GNG12: variants seen among roughly 807,000 people sequenced by gnomAD.
The protein encoded by GNG12 is G protein subunit gamma 12.
For missense variants in GNG12, 69 were observed against 83.8 expected, an observed-to-expected ratio of 0.82 and a Z score of 0.69; for synonymous variants, 28 against 29.7, an observed-to-expected ratio of 0.94 and a Z score of 0.19.
chr1:67,829,152 G>A (rs1225832099), intron 1 of GNG12, among the ~76,000 whole-genome samples: 2 of 152,120 alleles, frequency 1.3e-5, no homozygotes, highest in African/African-American at 2.4e-5. Context: ...TCACCAATTT[G>A]TCTGTATTTT....
At chr1:67,829,738 C>T (rs919368424) in intron 1 of GNG12, among the ~76,000 whole-genome samples, 6 of 152,220 alleles carry the variant, frequency 3.9e-5, no homozygotes, top group South Asian at 2.1e-4. Context: ...AGGAGTGAAA[C>T]GAATCAATAA....
intron 2 of GNG12, among the ~76,000 whole-genome samples, chr1:67,735,145 C>T (rs542325195): frequency 2.5e-4 from 38 of 152,230 alleles, no homozygotes; most frequent in Non-Finnish European, 4.3e-4. Context: ...CATGAGCCAC[C>T]GCGCCTGGCC....
intron 1 of GNG12, among the ~76,000 whole-genome samples, chr1:67,788,039 A>T (rs149171074): frequency 6.6e-6 from 1 of 152,216 alleles, no homozygotes; most frequent in Non-Finnish European, 1.5e-5. Context: ...GAACTGGTGC[A>T]AAGTTACATG....
chr1:67,827,996 A>G (rs941147308), intron 1 of GNG12, among the ~76,000 whole-genome samples: 3 of 152,190 alleles, frequency 2.0e-5, no homozygotes, highest in African/African-American at 7.2e-5. Context: ...CTACCTGTTA[A>G]CTACTCTCCT....
intron 2 of GNG12, among the ~76,000 whole-genome samples, chr1:67,765,586 T>C (rs555828002): frequency 2.2e-4 from 33 of 152,216 alleles, no homozygotes; most frequent in African/African-American, 7.5e-4. Flanking sequence ...ATGAAATACA[T>C]AGAAAGGTTT....
intron 1 of GNG12, among the ~76,000 whole-genome samples, chr1:67,786,642 G>A (rs1012610164): frequency 1.3e-5 from 2 of 152,074 alleles, no homozygotes; most frequent in Non-Finnish European, 2.9e-5. Flanking sequence ...CCCTCTCTGG[G>A]CCAGATGCAG....
At chr1:67,812,134 T>C (rs374051528) in intron 1 of GNG12, among the ~76,000 whole-genome samples, 1 of 152,168 alleles carries the variant, frequency 6.6e-6, no homozygotes, top group Non-Finnish European at 1.5e-5. Flanking sequence ...AAATCAGTCA[T>C]CTTTCATTAG....
intron 1 of GNG12, among the ~76,000 whole-genome samples, chr1:67,831,463 T>C (rs1647044315): frequency 6.6e-6 from 1 of 152,218 alleles, no homozygotes; most frequent in Non-Finnish European, 1.5e-5. Context: ...CACATTTTCA[T>C]ATATTTCTAC....
intron 2 of GNG12, among the ~76,000 whole-genome samples, chr1:67,741,281 T>G (rs1355879640): frequency 1.3e-5 from 2 of 152,262 alleles, no homozygotes; most frequent in African/African-American, 4.8e-5. Flanking sequence ...TCAGAGTTCC[T>G]GGCCATTCTG....
At chr1:67,774,106 G>A (rs1646690781) in intron 2 of GNG12, among the ~76,000 whole-genome samples, 1 of 152,140 alleles carries the variant, frequency 6.6e-6, no homozygotes, top group Non-Finnish European at 1.5e-5. Context: ...ACATTTCTCT[G>A]AGTCTTGAAT....
intron 1 of GNG12, among the ~76,000 whole-genome samples, chr1:67,809,296 A>G (rs1164172087): frequency 6.6e-6 from 1 of 152,222 alleles, no homozygotes; most frequent in Non-Finnish European, 1.5e-5. Context: ...GTCAAAATTG[A>G]TCACAGAACT....
In GNG12 at chr1:67,776,656, C is replaced by T. The variant is rs1646707098; in HGVS notation, c.-27+802G>A. ...ACCCCCAGAAACAAAGCCTAGCTGA[C>T]ATGGAACTGCAGCTACCTGTAGATA... is the stretch of plus-strand genomic sequence containing the variant. On this transcript the variant is annotated intron_variant, in intron 2 of 3. Transcript: ENST00000370982. Among the ~76,000 whole-genome samples, 4 of 152,130 alleles carry T rather than the reference C, an allele frequency of 2.6e-5. 1 individual carries two copies. The highest frequency in any genetic ancestry group is 2.6e-4 in the Admixed American group (4 of 15,258).
In GNG12 at chr1:67,809,238, A is replaced by C. The variant is rs571757146; in HGVS notation, c.-77+24106T>G. Reference sequence around the variant, plus strand: ...GACATCCACATTCCCTGCCCCCACCAAAAAAGAAAGAATCTAGACACAGAC... The same window carrying C: ...GACATCCACATTCCCTGCCCCCACCCAAAAAGAAAGAATCTAGACACAGAC... On this transcript the variant is annotated intron_variant, in intron 1 of 3. Coordinates refer to ENST00000370982, the MANE Select transcript of GNG12 (RefSeq NM_018841.6). Among the ~76,000 whole-genome samples the C allele has an allele frequency of 2.6e-3, 402 of 152,088 alleles. 3 individuals are homozygous for C. The highest frequency in any genetic ancestry group is 9.0e-3 in the African/African-American group (374 of 41,386).
At chr1:67,782,353 G>C (rs560133350) in intron 1 of GNG12, among the ~76,000 whole-genome samples, 39 of 152,290 alleles carry the variant, frequency 2.6e-4, no homozygotes, top group Non-Finnish European at 5.4e-4. Context: ...GGGTTAAAAT[G>C]CTGGCATTTT....
intron 2 of GNG12, among the ~76,000 whole-genome samples, chr1:67,719,322 C>T (rs1646344150): frequency 6.6e-6 from 1 of 152,158 alleles, no homozygotes. Flanking sequence ...GTAATTAATT[C>T]CCTTCATGAA....
At chr1:67,797,238 A>T (rs150597329) in intron 1 of GNG12, among the ~76,000 whole-genome samples, 187 of 152,302 alleles carry the variant, frequency 1.2e-3, no homozygotes, top group African/African-American at 4.5e-3. Context: ...TTAAAAATTA[A>T]GTGATAAAAC....
At chr1:67,809,653 C>T (rs1378922897) in intron 1 of GNG12, among the ~76,000 whole-genome samples, 15 of 152,076 alleles carry the variant, frequency 9.9e-5, no homozygotes, top group Admixed American at 9.8e-4. Context: ...AGAAAACATA[C>T]AGATGGCAAG....
chr1:67,751,184 G>GACACACACAC (rs3835466), intron 2 of GNG12, among the ~76,000 whole-genome samples: 19 of 140,794 alleles, frequency 1.3e-4, no homozygotes, highest in African/African-American at 4.8e-4. Context: ...TACACATACA[G>GACACACACAC]ACACACACAC....
intron 2 of GNG12, among the ~76,000 whole-genome samples, chr1:67,740,101 C>T (rs1019618180): frequency 1.3e-5 from 2 of 152,128 alleles, no homozygotes; most frequent in African/African-American, 4.8e-5. Flanking sequence ...GATTGTATTG[C>T]TATATAAAAT....
Sources: gnomAD v4.1 joint callset for allele counts (sites outside exome capture counted in the v4.1 genomes callset) on GRCh38, gnomAD v4.1.1 for gene constraint, MANE v1.5 for transcripts, NCBI Gene and HGNC (gene_info 2026-07-23, HGNC 2026-07-21) for gene names.